The following MIS18A variants were observed in gnomAD, a reference collection of about 807,000 sequenced individuals.
MIS18A encodes MIS18 kinetochore protein A, also known as protein Mis18-alpha.
MIS18A carries 14 observed loss-of-function variants against 25.0 expected under a neutral mutation model. The ratio of observed to expected loss-of-function variants is 0.56; its 90% CI spans 0.37 to 0.88. MIS18A has a LOEUF of 0.88. MIS18A is among the 40% of genes least tolerant of loss of function. The pLI, the probability that MIS18A is intolerant of heterozygous loss-of-function variation, is 0.00. For missense variants in MIS18A, 292 were observed against 290.8 expected (o/e 1.00, Z -0.03); for synonymous variants, 134 against 118.6 (o/e 1.13, Z -0.84).
At chr21:32,194,402 A>G in the MIS18A span, among the ~76,000 whole-genome samples, 1 of 152,148 alleles carries the variant, frequency 6.6e-6, no homozygotes, top group Non-Finnish European at 1.5e-5. Context: ...GCTCACGCCT[A>G]TAATCCCAGT....
the MIS18A span, among the ~76,000 whole-genome samples, chr21:32,199,751 T>C: frequency 6.6e-6 from 1 of 152,040 alleles, no homozygotes; most frequent in African/African-American, 2.4e-5. Context: ...GAGGTTGCAG[T>C]GAGCTGAAAT....
the MIS18A span, among the ~76,000 whole-genome samples, chr21:32,262,885 C>T: frequency 2.0e-5 from 3 of 152,122 alleles, no homozygotes; most frequent in Non-Finnish European, 4.4e-5. Flanking sequence ...TCCCAAACTC[C>T]CCTCCCTTCT....
the MIS18A span, among the ~76,000 whole-genome samples, chr21:32,236,556 G>T: frequency 6.6e-6 from 1 of 152,142 alleles, no homozygotes; most frequent in African/African-American, 2.4e-5. Flanking sequence ...CTCTTGAGAG[G>T]GTACAGATTC....
chr21:32,269,806 G>A lies in MIS18A; in HGVS notation c.525-3C>T, dbSNP rs777999619. 6.4e-7 allele frequency: 1 copy of A among 1,551,886 alleles called. No individual in the cohort carries two copies. The highest frequency in any genetic ancestry group is 8.9e-7 in the Non-Finnish European group (1 of 1,123,548). ...TTTCAGAGGACCCTAAAACATAACT[G>A]AAGTACGGTACAAGGTTAAAATACA... On this transcript the variant is annotated splice_region_variant and splice_polypyrimidine_tract_variant and intron_variant, in intron 3 of 4. Coordinates refer to ENST00000290130, the MANE Select transcript of MIS18A (RefSeq NM_018944.3).
the MIS18A span, among the ~76,000 whole-genome samples, chr21:32,228,377 GC>G: frequency 6.6e-6 from 1 of 152,186 alleles, no homozygotes; most frequent in African/African-American, 2.4e-5. Flanking sequence ...ATGAGCCACT[GC>G]ACCCAGCTAT....
At chr21:32,265,524 C>A (rs984596241), downstream of MIS18A, among the ~76,000 whole-genome samples, 1 of 152,232 alleles carries the variant, frequency 6.6e-6, no homozygotes, top group African/African-American at 2.4e-5. Flanking sequence ...GCCGGCCCAC[C>A]GGCGCTGTGC....
chr21:32,273,566 C>A (rs1466792334), intron 2 of MIS18A, among the ~76,000 whole-genome samples: 26 of 152,138 alleles, frequency 1.7e-4, no homozygotes, highest in Non-Finnish European at 4.4e-5. Context: ...ACCCTTATCA[C>A]CCCATCACTC....
At chr21:32,215,550 C>T in the MIS18A span, among the ~76,000 whole-genome samples, 1 of 152,104 alleles carries the variant, frequency 6.6e-6, no homozygotes, top group Non-Finnish European at 1.5e-5. Flanking sequence ...GGATATCTCA[C>T]CCCAGCTGAA....
the MIS18A span, among the ~76,000 whole-genome samples, chr21:32,209,395 C>T: frequency 6.6e-6 from 1 of 152,216 alleles, no homozygotes; most frequent in African/African-American, 2.4e-5. Context: ...TGAACCTTGG[C>T]TCTACCATCT....
the MIS18A span, among the ~76,000 whole-genome samples, chr21:32,255,931 AGTACATTTAATAGT>A: frequency 6.6e-6 from 1 of 151,960 alleles, no homozygotes; most frequent in African/African-American, 2.4e-5. Context: ...GCCTGGGGTA[AGTACATTTAATAGT>A]GTAAAAGTTC....
the MIS18A span, among the ~76,000 whole-genome samples, chr21:32,193,312 G>A: frequency 6.6e-5 from 10 of 152,068 alleles, no homozygotes; most frequent in Non-Finnish European, 1.2e-4. Context: ...TGTGTTCGTG[G>A]GTTCTTCCCA....
At chr21:32,211,900 A>C in the MIS18A span, among the ~76,000 whole-genome samples, 1 of 152,146 alleles carries the variant, frequency 6.6e-6, no homozygotes, top group African/African-American at 2.4e-5. Flanking sequence ...TCTAAAACCC[A>C]AGACTCCATT....
chr21:32,213,490 C>G, the MIS18A span, among the ~76,000 whole-genome samples: 1 of 152,184 alleles, frequency 6.6e-6, no homozygotes, highest in Non-Finnish European at 1.5e-5. Context: ...CGGAATACCT[C>G]TGGAAATATC....
the MIS18A span, among the ~76,000 whole-genome samples, chr21:32,195,610 T>C: frequency 6.6e-6 from 1 of 152,226 alleles, no homozygotes; most frequent in South Asian, 2.1e-4. Context: ...TTTCTTAACG[T>C]AGATCCTCTC....
chr21:32,266,787 G>A (rs908982960), downstream of MIS18A, among the ~76,000 whole-genome samples: 5 of 152,144 alleles, frequency 3.3e-5, no homozygotes, highest in Non-Finnish European at 7.3e-5. Context: ...AAGTCAGTGA[G>A]ACCAAGAACC....
chr21:32,260,933 A>AC, the MIS18A span: 2 of 152,254 alleles, frequency 1.3e-5, no homozygotes, highest in African/African-American at 4.8e-5. Context: ...AATCACTTGA[A>AC]CCCAGAGGCG....
Position 32,278,768 on chromosome 21 carries a change from A to C in MIS18A, c.247T>G (p.Phe83Val). 3.8e-6 allele frequency: 6 copies of C among 1,579,954 alleles called. No homozygotes were observed. The highest frequency in any genetic ancestry group is 5.1e-6 in the Non-Finnish European group (6 of 1,168,428). ...AAAAEERPLV[F>V]LCSGCRRPLG... ...GGCCGCCGGCAGCCGGAGCACAGGA[A>C]CACCAGCGGCCTCTCCTCCGCAGCC... The change falls in exon 1 of 5, where the codon TTC becomes GTC. Residue 83 changes from phenylalanine to valine, a missense_variant. Transcript: ENST00000290130.
intron 4 of MIS18A, 25 bp downstream of exon 4, chr21:32,269,682 T>C (rs200652930): frequency 1.1e-4 from 157 of 1,370,004 alleles, no homozygotes; most frequent in Non-Finnish European, 1.5e-4. Flanking sequence ...CATACAAAGA[T>C]ATAAAATGTA....
At chr21:32,183,246 C>T in the MIS18A span, among the ~76,000 whole-genome samples, 2 of 152,156 alleles carry the variant, frequency 1.3e-5, no homozygotes, top group Non-Finnish European at 1.5e-5. Flanking sequence ...ATTAACACTA[C>T]AACTGTTAAA....
Sources: gnomAD v4.1 joint callset for allele counts (sites outside exome capture counted in the v4.1 genomes callset) on GRCh38, gnomAD v4.1.1 for gene constraint, MANE v1.5 for transcripts, NCBI Gene and HGNC (gene_info 2026-07-23, HGNC 2026-07-21) for gene names.